The following ZBTB7C variants were observed in gnomAD, a reference collection of about 807,000 sequenced individuals.
ZBTB7C encodes zinc finger and BTB domain-containing protein 7C.
ZBTB7C carries 8 observed loss-of-function variants against 25.7 expected under a neutral mutation model. The observed-to-expected ratio is 0.31, with a 90% CI of 0.18 to 0.56. The LOEUF (loss-of-function observed/expected upper bound fraction) is 0.56, where lower values mean the gene tolerates loss of function less well. Ranked by LOEUF, ZBTB7C falls within the 20% of genes least tolerant of loss-of-function variation. The probability of loss-of-function intolerance (pLI) is 0.91; values close to 1 mark genes in which losing one functional copy is unlikely to be tolerated. For missense variants in ZBTB7C, 824 were observed against 855.2 expected (o/e 0.96, Z 0.46); for synonymous variants, 394 against 369.0 (o/e 1.07, Z -0.78).
At chr18:48,096,372 T>G (rs2038633520) in intron 3 of ZBTB7C, among the ~76,000 whole-genome samples, 2 of 152,196 alleles carry the variant, frequency 1.3e-5, no homozygotes. Flanking sequence ...TGATTCTTAA[T>G]GCGCTTTCTG....
At chr18:48,122,225 C>T (rs1429128441) in intron 3 of ZBTB7C, among the ~76,000 whole-genome samples, 1 of 152,160 alleles carries the variant, frequency 6.6e-6, no homozygotes, top group Non-Finnish European at 1.5e-5. Flanking sequence ...TCTTCAGGGC[C>T]TCAGAACCCA....
intron 3 of ZBTB7C, among the ~76,000 whole-genome samples, chr18:48,151,327 T>C (rs2040671075): frequency 6.6e-6 from 1 of 152,202 alleles, no homozygotes; most frequent in Non-Finnish European, 1.5e-5. Context: ...AACATTAGGA[T>C]GAGCATCCTT....
chr18:48,113,669 G>A (rs2039325216), intron 3 of ZBTB7C, among the ~76,000 whole-genome samples: 2 of 149,988 alleles, frequency 1.3e-5, no homozygotes, highest in South Asian at 4.2e-4. Flanking sequence ...ATGTGCAAAC[G>A]ATGAACTCAT....
rs559411599 is a variant in ZBTB7C at position 48,100,814 on chromosome 18, C to T, written c.-16-59691G>A. Reference sequence around the variant, plus strand: ...CAGGCTTGCCTTTGGAAAACAAGGTCGCAAATCAAGCCGGAGCCTGGGAAG... The same window carrying T: ...CAGGCTTGCCTTTGGAAAACAAGGTTGCAAATCAAGCCGGAGCCTGGGAAG... On this transcript the variant is annotated intron_variant, in intron 3 of 4. Coordinates refer to ENST00000590800, the MANE Select transcript of ZBTB7C (RefSeq NM_001318841.2). Among the ~76,000 whole-genome samples, 7 of 152,020 alleles carry T rather than the reference C, an allele frequency of 4.6e-5. 1 individual carries two copies. The highest frequency in any genetic ancestry group is 1.4e-4 in the African/African-American group (6 of 41,440).
intron 3 of ZBTB7C, among the ~76,000 whole-genome samples, chr18:48,052,569 G>A (rs1037609989): frequency 6.6e-6 from 1 of 152,176 alleles, no homozygotes; most frequent in African/African-American, 2.4e-5. Flanking sequence ...ACACCAGGCA[G>A]AAAGGAAAGC....
At chr18:48,153,789 TG>T (rs1568261580) in intron 3 of ZBTB7C, among the ~76,000 whole-genome samples, 1 of 152,248 alleles carries the variant, frequency 6.6e-6, no homozygotes, top group African/African-American at 2.4e-5. Flanking sequence ...TCAAAGCTCC[TG>T]GCCTCATGAA....
At chr18:48,324,065 G>T (rs1363513384) in intron 2 of ZBTB7C, among the ~76,000 whole-genome samples, 1 of 152,158 alleles carries the variant, frequency 6.6e-6, no homozygotes, top group African/African-American at 2.4e-5. Context: ...ATGAGAAAGT[G>T]GGTCCTCACC....
chr18:48,394,232 T>C (rs7244753), intron 1 of ZBTB7C, among the ~76,000 whole-genome samples: 16,503 of 152,242 alleles, frequency 0.11, 1,013 homozygotes, highest in African/African-American at 0.16. Context: ...CAGAAATTTA[T>C]TTCTGTCCTG....
chr18:48,089,900 G>T (rs184271758), intron 3 of ZBTB7C, among the ~76,000 whole-genome samples: 1 of 152,188 alleles, frequency 6.6e-6, no homozygotes, highest in Non-Finnish European at 1.5e-5. Context: ...TGAGGCTGCC[G>T]ATCACGCAGG....
chr18:48,211,845 C>T (rs1186008643), intron 2 of ZBTB7C, among the ~76,000 whole-genome samples: 1 of 152,130 alleles, frequency 6.6e-6, no homozygotes, highest in Non-Finnish European at 1.5e-5. Context: ...TTGACATTTA[C>T]CTAAATGAAT....
intron 2 of ZBTB7C, among the ~76,000 whole-genome samples, chr18:48,287,802 A>G (rs1207725452): frequency 6.6e-6 from 1 of 152,246 alleles, no homozygotes; most frequent in Non-Finnish European, 1.5e-5. Flanking sequence ...GAATTAAAAG[A>G]GACTAATCAT....
chr18:48,075,396 A>G (rs1218610746), intron 3 of ZBTB7C, among the ~76,000 whole-genome samples: 1 of 152,240 alleles, frequency 6.6e-6, no homozygotes, highest in African/African-American at 2.4e-5. Context: ...GTGCCCAATA[A>G]GGAGAAGCCA....
At position 48,156,551 on chromosome 18, in the gene ZBTB7C, A is replaced by T. The variant is rs146014929; in HGVS notation, c.-17+29383T>A. On this transcript the variant is annotated intron_variant, in intron 3 of 4. Transcript: ENST00000590800. ...TTTCTTGGCTGTGTCCTTGCCATGT[A>T]TAAAATACTACTCACTTTCCATTGG... is the stretch of plus-strand genomic sequence containing the variant. 7.0e-4 allele frequency among the ~76,000 whole-genome samples: 107 copies of T among 152,330 alleles called. 1 individual carries two copies. The highest frequency in any genetic ancestry group is 6.8e-3 in the Middle Eastern group (2 of 294).
intron 3 of ZBTB7C, among the ~76,000 whole-genome samples, chr18:48,141,151 C>CCCCCCCCCCCCCCCCCCCCT (rs2040336655): frequency 6.9e-6 from 1 of 145,378 alleles, no homozygotes; most frequent in African/African-American, 2.6e-5. Flanking sequence ...GCACCACCCC[C>CCCCCCCCCCCCCCCCCCCCT]CCCACTGTTC....
chr18:48,145,182 A>G (rs1280560207), intron 3 of ZBTB7C, among the ~76,000 whole-genome samples: 1 of 152,216 alleles, frequency 6.6e-6, no homozygotes, highest in African/African-American at 2.4e-5. Flanking sequence ...TATGTCCCAC[A>G]ATAATGGCAC....
At chr18:48,172,356 G>A (rs1599026184) in intron 3 of ZBTB7C, among the ~76,000 whole-genome samples, 1 of 152,202 alleles carries the variant, frequency 6.6e-6, no homozygotes, top group Non-Finnish European at 1.5e-5. Flanking sequence ...GCAGGCAGGG[G>A]GGCACGGAGG....
intron 3 of ZBTB7C, among the ~76,000 whole-genome samples, chr18:48,107,142 G>A (rs2039060760): frequency 6.6e-6 from 1 of 151,068 alleles, no homozygotes; most frequent in Admixed American, 6.6e-5. Flanking sequence ...GAGAATGTGG[G>A]GAGGGGCATT....
chr18:48,293,985 G>A (rs1467018475), intron 2 of ZBTB7C, among the ~76,000 whole-genome samples: 2 of 152,224 alleles, frequency 1.3e-5, no homozygotes, highest in African/African-American at 4.8e-5. Flanking sequence ...GGCCCGCTGT[G>A]GCCGTGTTTC....
At chr18:48,142,819 C>T (rs1244695972) in intron 3 of ZBTB7C, among the ~76,000 whole-genome samples, 1 of 152,030 alleles carries the variant, frequency 6.6e-6, no homozygotes, top group East Asian at 1.9e-4. Context: ...TTCACTCCTC[C>T]CTCTCTCCCT....
Sources: gnomAD v4.1 joint callset for allele counts (sites outside exome capture counted in the v4.1 genomes callset) on GRCh38, gnomAD v4.1.1 for gene constraint, MANE v1.5 for transcripts, NCBI Gene and HGNC (gene_info 2026-07-23, HGNC 2026-07-21) for gene names.